GAB1: variants seen among roughly 807,000 people sequenced by gnomAD.
The protein encoded by GAB1 is GRB2-associated-binding protein 1.
A neutral mutation model predicts 66.5 loss-of-function variants in GAB1; 19 were observed. The ratio of observed to expected loss-of-function variants is 0.29; its 90% confidence interval spans 0.20 to 0.42. The LOEUF (loss-of-function observed/expected upper bound fraction) is 0.42. Among genes scored for constraint, GAB1 ranks in the 10% least tolerant of loss-of-function variants. GAB1 has a pLI of 1.00. For synonymous variants in GAB1, 294 were observed against 301.4 expected (o/e 0.98, Z 0.25); for missense variants, 732 against 858.5 (o/e 0.85, Z 1.84).
At chr4:143,350,322 TACTC>T (rs575952695) in intron 1 of GAB1, among the ~76,000 whole-genome samples, 131 of 152,328 alleles carry the variant, frequency 8.6e-4, no homozygotes, top group African/African-American at 3.1e-3. Flanking sequence ...GGTGAGGAGT[TACTC>T]AGTTATTTTG....
intron 1 of GAB1, among the ~76,000 whole-genome samples, chr4:143,366,578 C>A (rs998923576): frequency 2.6e-5 from 4 of 151,998 alleles, no homozygotes; most frequent in African/African-American, 9.7e-5. Flanking sequence ...ATTAGGTATT[C>A]CCTCACTATC....
At chr4:143,365,691 G>T (rs1456826405) in intron 1 of GAB1, among the ~76,000 whole-genome samples, 1 of 152,204 alleles carries the variant, frequency 6.6e-6, no homozygotes, top group Non-Finnish European at 1.5e-5. Flanking sequence ...CTACATGGTG[G>T]TTAGTGTCTG....
chr4:143,421,648 G>A (rs1733021495), intron 2 of GAB1, among the ~76,000 whole-genome samples: 1 of 150,216 alleles, frequency 6.7e-6, no homozygotes, highest in African/African-American at 2.4e-5. Flanking sequence ...AATTCAACCA[G>A]AGAGTTTTTA....
intron 4 of GAB1, 21 bp downstream of exon 4, chr4:143,438,621 T>C: frequency 6.2e-7 from 1 of 1,603,694 alleles, no homozygotes; most frequent in Non-Finnish European, 8.5e-7. Context: ...GTTGACTTCT[T>C]CTCTATTAGA....
At chr4:143,437,322 C>T (rs1009501289) in intron 3 of GAB1, among the ~76,000 whole-genome samples, 6 of 152,060 alleles carry the variant, frequency 3.9e-5, no homozygotes, top group Non-Finnish European at 8.8e-5. Flanking sequence ...ATGCAGAGAC[C>T]GAAAATGTTC....
At chr4:143,395,834 A>G (rs1041780160) in intron 1 of GAB1, 10 of 453,478 alleles carry the variant, frequency 2.2e-5, no homozygotes, top group Admixed American at 4.7e-5. Context: ...GGGTAACAAA[A>G]TGAGGAGTAA....
chr4:143,457,326 T>C (rs537978681), intron 6 of GAB1, among the ~76,000 whole-genome samples: 6 of 152,320 alleles, frequency 3.9e-5, no homozygotes, highest in Non-Finnish European at 8.8e-5. Context: ...TTTGATCCAG[T>C]TTTCTAAGAC....
intron 7 of GAB1, 40 bp downstream of exon 7, chr4:143,459,518 T>C (rs747382125): frequency 1.9e-6 from 2 of 1,041,628 alleles, no homozygotes; most frequent in South Asian, 2.5e-5. Context: ...GTATGAATAA[T>C]GTGACTATCT....
chr4:143,394,052 T>A (rs1731315509), intron 1 of GAB1, among the ~76,000 whole-genome samples: 2 of 152,118 alleles, frequency 1.3e-5, no homozygotes, highest in South Asian at 4.1e-4. Flanking sequence ...GGCAGACAGA[T>A]CAGGAGGTCA....
intron 1 of GAB1, among the ~76,000 whole-genome samples, chr4:143,363,853 T>A (rs1729761872): frequency 6.6e-6 from 1 of 152,100 alleles, no homozygotes; most frequent in African/African-American, 2.4e-5. Flanking sequence ...GTTCCCCACA[T>A]CCCACCCTAG....
At chr4:143,431,787 G>A (rs1484532108) in intron 2 of GAB1, among the ~76,000 whole-genome samples, 1 of 152,184 alleles carries the variant, frequency 6.6e-6, no homozygotes, top group Non-Finnish European at 1.5e-5. Flanking sequence ...CTGCAGCAAA[G>A]TTTGCTACTG....
intron 6 of GAB1, among the ~76,000 whole-genome samples, chr4:143,446,268 C>A (rs1192863849): frequency 6.6e-6 from 1 of 152,162 alleles, no homozygotes; most frequent in Non-Finnish European, 1.5e-5. Context: ...GTGCATGTGT[C>A]TTTATAGCAG....
At chr4:143,359,143 C>T (rs139280294) in intron 1 of GAB1, among the ~76,000 whole-genome samples, 204 of 152,150 alleles carry the variant, frequency 1.3e-3, no homozygotes, top group African/African-American at 4.8e-3. Flanking sequence ...CGTAAAGAAC[C>T]CCAGCTGTCA....
intron 8 of GAB1, among the ~76,000 whole-genome samples, chr4:143,465,792 G>A (rs1284390994): frequency 1.3e-5 from 2 of 152,184 alleles, no homozygotes; most frequent in Non-Finnish European, 2.9e-5. Context: ...TAAAGATCCT[G>A]TAAAGCATAA....
intron 1 of GAB1, among the ~76,000 whole-genome samples, chr4:143,363,922 G>A (rs535252147): frequency 6.8e-4 from 103 of 152,208 alleles, no homozygotes; most frequent in African/African-American, 2.4e-3. Flanking sequence ...ATTCGTGCTG[G>A]CCGTGGTGGC....
At chr4:143,399,296 A>G (rs1731625339) in intron 1 of GAB1, among the ~76,000 whole-genome samples, 1 of 152,218 alleles carries the variant, frequency 6.6e-6, no homozygotes, top group African/African-American at 2.4e-5. Flanking sequence ...CTTAAAAGGC[A>G]ATGATCAAAA....
In GAB1 at chr4:143,425,204, G is replaced by A. The variant is rs1008046575; in HGVS notation, c.368-8287G>A. The A allele has an allele frequency of 3.5e-6, 3 of 862,670 alleles. No individual in the cohort carries two copies. The African/African-American group carries it at 4.9e-5, about 14-fold the overall frequency. The allele number at this position is 862,670 out of a possible 1,614,324, so 53.4% of individuals were successfully genotyped here. On this transcript the variant is annotated intron_variant, in intron 2 of 9. Coordinates refer to ENST00000262994, the MANE Select transcript of GAB1 (RefSeq NM_002039.4). ...ATGGCATCTACATTATAAATCTGAA[G>A]AGGACCTGGGAGAAGCTTCTGCTGG...
chr4:143,419,486 T>C (rs1208708912), intron 2 of GAB1, among the ~76,000 whole-genome samples: 1 of 152,154 alleles, frequency 6.6e-6, no homozygotes, highest in Non-Finnish European at 1.5e-5. Flanking sequence ...TTGTGAACTT[T>C]TCATCTTTAC....
At chr4:143,420,632 C>G (rs1732961981) in intron 2 of GAB1, among the ~76,000 whole-genome samples, 1 of 152,062 alleles carries the variant, frequency 6.6e-6, no homozygotes. Flanking sequence ...AAGGTGGAAG[C>G]TGTTAGATCT....
Sources: gnomAD v4.1 joint callset for allele counts (sites outside exome capture counted in the v4.1 genomes callset) on GRCh38, gnomAD v4.1.1 for gene constraint, MANE v1.5 for transcripts, NCBI Gene and HGNC (gene_info 2026-07-23, HGNC 2026-07-21) for gene names.